SPON2: variants seen among roughly 807,000 people sequenced by gnomAD.
SPON2 encodes the protein spondin-2.
A neutral mutation model predicts 29.9 loss-of-function variants in SPON2; 32 were observed. The observed-to-expected ratio is 1.07, with a 90% CI of 0.81 to 1.44. The LOEUF (loss-of-function observed/expected upper bound fraction) is 1.44. Ranked by LOEUF, SPON2 falls within the 40% of genes most tolerant of loss-of-function variation. The probability of loss-of-function intolerance (pLI) is 0.00; values close to 1 mark genes in which losing one functional copy is unlikely to be tolerated. For synonymous variants in SPON2, 248 were observed against 209.1 expected (o/e 1.19, Z -1.61); for missense variants, 541 against 455.5 (o/e 1.19, Z -1.71).
upstream of SPON2, among the ~76,000 whole-genome samples, chr4:1,176,571 A>G (rs759835471): frequency 2.0e-5 from 3 of 147,076 alleles, no homozygotes; most frequent in Non-Finnish European, 3.0e-5. Flanking sequence ...CATTCATTCA[A>G]GCATCCATTC....
intron 1 of SPON2, among the ~76,000 whole-genome samples, chr4:1,203,893 T>TA (rs1728275944): frequency 6.6e-6 from 1 of 152,164 alleles, no homozygotes; most frequent in Admixed American, 6.5e-5. Context: ...TTTTTTGAGT[T>TA]AGAGTCTCTC....
chr4:1,168,722 C>T (rs1468030897), intron 5 of SPON2, among the ~76,000 whole-genome samples: 1 of 152,240 alleles, frequency 6.6e-6, no homozygotes, highest in Non-Finnish European at 1.5e-5. Context: ...AATGAGGAGT[C>T]AGTGAGCACT....
At chr4:1,207,317 C>T (rs1728366910) in intron 1 of SPON2, among the ~76,000 whole-genome samples, 1 of 152,126 alleles carries the variant, frequency 6.6e-6, no homozygotes, top group Non-Finnish European at 1.5e-5. Context: ...CACCAGTGTC[C>T]ACAGCCCTGG....
chr4:1,172,062 G>C lies in SPON2; in HGVS notation c.10C>G (p.Pro4Ala). The C allele has an allele frequency of 6.2e-7, 1 of 1,611,180 alleles. No individual in the cohort carries two copies. Reference sequence around the variant, plus strand: ...TTGCCCAGGGCGGCGGCCGGGCTGGGGTTTTCCATCACCTGGGAGCACAGA... The same window carrying C: ...TTGCCCAGGGCGGCGGCCGGGCTGGCGTTTTCCATCACCTGGGAGCACAGA... MEN[P>A]SPAAALGKAL... Residue 4 changes from proline to alanine, a missense_variant, in exon 2 of 6, where the codon CCC becomes GCC. Transcript: ENST00000290902.
At chr4:1,194,757 G>A (rs1188786694) in intron 1 of SPON2, among the ~76,000 whole-genome samples, 1 of 152,044 alleles carries the variant, frequency 6.6e-6, no homozygotes, top group African/African-American at 2.4e-5. Flanking sequence ...TTCCAAGTCT[G>A]GCCCGGGGCC....
At position 1,171,003 on chromosome 4, in the gene SPON2, G is replaced by A; in HGVS notation, c.632C>T (p.Thr211Ile). The A allele has an allele frequency of 1.9e-6, 3 of 1,548,232 alleles. No homozygotes were observed. Among genetic ancestry groups the A allele is most frequent in the Non-Finnish European group, 2.6e-6 (3 of 1,145,370 alleles). ...GCACGCGGGGTGCCCACTCACCTCG[G>A]TCACCGTGTCCTGCGGGATGGTGGC... The part of the protein sequence containing the change: ...NFATIPQDTV[T>I]EITSSSPSHP... Residue 211 changes from threonine (T) to isoleucine (I), a missense_variant, in exon 4 of 6, where the codon ACC (threonine) becomes ATC (isoleucine). Transcript: ENST00000290902.
chr4:1,188,202 C>CAAAAAAAAAAA (rs1164276990), intron 1 of SPON2, among the ~76,000 whole-genome samples: 1 of 36,582 alleles, frequency 2.7e-5, no homozygotes, highest in Non-Finnish European at 5.3e-5. Flanking sequence ...GACTCCGTCT[C>CAAAAAAAAAAA]AAAAAAAAAA....
intron 1 of SPON2, among the ~76,000 whole-genome samples, chr4:1,190,273 T>C (rs1727887861): frequency 6.6e-6 from 1 of 150,820 alleles, no homozygotes; most frequent in South Asian, 2.1e-4. Context: ...AATGAAGAGA[T>C]TGAAGTAGGA....
At chr4:1,177,482 G>C (rs1369721251), upstream of SPON2, among the ~76,000 whole-genome samples, 1 of 152,200 alleles carries the variant, frequency 6.6e-6, no homozygotes, top group African/African-American at 2.4e-5. Context: ...GATCTGAGCA[G>C]GCGGGTGTGG....
chr4:1,176,844 T>TTCACACACTTCATTCATTCATTCAC (rs1727611870), upstream of SPON2, among the ~76,000 whole-genome samples: 7 of 151,590 alleles, frequency 4.6e-5, no homozygotes, highest in African/African-American at 1.5e-4. Flanking sequence ...ACACAGTTCA[T>TTCACACACTTCATTCATTCATTCAC]TCACACACTT....
Position 1,167,478 on chromosome 4 carries a change from G to T in SPON2, c.990C>A (p.Cys330Ter), listed in dbSNP as rs1727277271. The T allele has an allele frequency of 6.2e-7, 1 of 1,612,884 alleles. No individual in the cohort carries two copies. The highest frequency in any genetic ancestry group is 1.1e-5 in the South Asian group (1 of 90,954). The change falls in exon 6 of 6, where the codon TGC becomes TGA. Residue 330 changes from cysteine (C) to a stop codon, truncating the protein, a stop_gained. Transcript: ENST00000290902. LOFTEE classifies it high-confidence loss of function. ...EEEAECVPDNCV is the reference protein window; with the variant it reads ...EEEAECVPDN ...GGGCTGCGGGGCTCTGGTCTTAGAC[G>T]CAGTTATCAGGGACGCACTCAGCCT...
intron 5 of SPON2, 96 bp from the exon 6 acceptor site, chr4:1,167,752 G>T: frequency 7.3e-7 from 1 of 1,361,758 alleles, no homozygotes; most frequent in Non-Finnish European, 9.9e-7. Context: ...GCATTCATCA[G>T]AGGCCACGCC....
At chr4:1,205,369 G>A (rs1285309940) in intron 1 of SPON2, among the ~76,000 whole-genome samples, 1 of 152,184 alleles carries the variant, frequency 6.6e-6, no homozygotes, top group Admixed American at 6.5e-5. Flanking sequence ...GGGCCTCCTC[G>A]GAGCAGCTGC....
intron 1 of SPON2, among the ~76,000 whole-genome samples, chr4:1,194,192 G>C (rs977806806): frequency 1.3e-5 from 2 of 152,132 alleles, no homozygotes; most frequent in Non-Finnish European, 2.9e-5. Flanking sequence ...TCCACCCCCA[G>C]CCCCACGACG....
upstream of SPON2, among the ~76,000 whole-genome samples, chr4:1,175,155 C>A (rs1727567512): frequency 1.3e-5 from 2 of 152,246 alleles, no homozygotes; most frequent in Admixed American, 6.5e-5. Context: ...GCTTTCTGGA[C>A]AGCTTCCTCG....
chr4:1,207,227 G>C (rs112858252), intron 1 of SPON2, among the ~76,000 whole-genome samples: 160 of 152,282 alleles, frequency 1.1e-3, no homozygotes, highest in African/African-American at 3.5e-3. Context: ...CTGCACAGAG[G>C]GGGTGGAGGC....
upstream of SPON2, among the ~76,000 whole-genome samples, chr4:1,173,599 A>G (rs4974567): frequency 0.96 from 145,943 of 152,328 alleles, 70,208 homozygotes; most frequent in East Asian, 1. Flanking sequence ...GGAGCTCGGG[A>G]ATGGTCTTGC....
At chr4:1,171,618 GAC>G in intron 2 of SPON2, 132 bp from the exon 3 acceptor site, 1 of 1,018,116 alleles carries the variant, frequency 9.8e-7, no homozygotes, top group Non-Finnish European at 1.4e-6. Context: ...GTCGGACCGT[GAC>G]ACCCTGTGGC....
intron 1 of SPON2, among the ~76,000 whole-genome samples, chr4:1,205,279 C>T (rs543666947): frequency 4.0e-4 from 61 of 152,280 alleles, no homozygotes; most frequent in Non-Finnish European, 7.5e-4. Context: ...AGGCCATGCC[C>T]GGAGCTCCTG....
Sources: gnomAD v4.1 joint callset for allele counts (sites outside exome capture counted in the v4.1 genomes callset) on GRCh38, gnomAD v4.1.1 for gene constraint, MANE v1.5 for transcripts, NCBI Gene and HGNC (gene_info 2026-07-23, HGNC 2026-07-21) for gene names.